FHIP2B: variants seen among roughly 807,000 people sequenced by gnomAD.
FHIP2B encodes the protein FHF complex subunit HOOK interacting protein 2B.
FHIP2B carries 72 observed loss-of-function variants against 84.0 expected under a neutral mutation model. The ratio of observed to expected loss-of-function variants is 0.86; its 90% CI spans 0.71 to 1.04. The LOEUF (loss-of-function observed/expected upper bound fraction) is 1.04, where lower values mean the gene tolerates loss of function less well. FHIP2B is among the 50% of genes least tolerant of loss of function. The pLI is 0.00. For missense variants in FHIP2B, 972 were observed against 968.9 expected (o/e 1.00, Z -0.04); for synonymous variants, 497 against 418.7 (o/e 1.19, Z -2.28).
chr8:22,101,583 T>C lies in FHIP2B; in HGVS notation c.1707+53T>C. ...CTTCCTGTCCTTCAGAACAGCTGGGTCATAAGCTCTGGGTTCCGCCTCTCT... is the reference window on the plus strand; with the variant it reads ...CTTCCTGTCCTTCAGAACAGCTGGGCCATAAGCTCTGGGTTCCGCCTCTCT... On this transcript the variant is annotated intron_variant, in intron 13 of 16. Transcript: ENST00000289921. 4 of 1,577,816 alleles carry C rather than the reference T, an allele frequency of 2.5e-6. No homozygotes were observed. The South Asian group carries it at 4.6e-5, about 18-fold the overall frequency.
In FHIP2B at chr8:22,089,889, C is replaced by G. The variant is rs1296146687; in HGVS notation, c.45+591C>G. 7 of 1,237,136 alleles carry G rather than the reference C, an allele frequency of 5.7e-6. No homozygotes were observed. The Admixed American group carries it at 1.6e-4, about 29-fold the overall frequency. The allele number at this position is 1,237,136 out of a possible 1,614,324, so 76.6% of individuals were successfully genotyped here. A position where few individuals can be genotyped will look rare whatever the true frequency, so the allele number is the denominator to read the frequency against. On this transcript the variant is annotated intron_variant, in intron 1 of 16. Coordinates refer to ENST00000289921, the MANE Select transcript of FHIP2B (RefSeq NM_022749.7). ...CGGGGCAGGCTGGTGGGCCCCCAGC[C>G]GGGGAAATCGCCTTCTATTGGGTGC...
At chr8:22,089,901 C>A in intron 1 of FHIP2B, 1 of 1,207,436 alleles carries the variant, frequency 8.3e-7, no homozygotes, top group South Asian at 1.3e-5. Context: ...GGGAAATCGC[C>A]TTCTATTGGG....
rs373303897 is a variant in FHIP2B at position 22,101,445 on chromosome 8, T to G, written c.1622T>G (p.Leu541Arg). ...CACCGGCTTCTATCTCTCAGTTTCC[T>G]GTGCCTGGTCCCCGAGGAAGCCAAG... is the stretch of plus-strand genomic sequence containing the variant. ...TAVTEIVNSF[L>R]CLVPEEAKTS... Residue 541 changes from leucine (L) to arginine (R), a missense_variant, in exon 13 of 17, where the codon CTG becomes CGG. By Grantham distance (102) the Leu-to-Arg change is moderately radical. Coordinates refer to ENST00000289921, the MANE Select transcript of FHIP2B (RefSeq NM_022749.7). 1.9e-6 allele frequency: 3 copies of G among 1,608,554 alleles called. No homozygotes were observed. The African/African-American group carries it at 4.0e-5, about 21-fold the overall frequency.
In FHIP2B at chr8:22,098,289, G is replaced by A; in HGVS notation, c.747G>A (p.Leu249=). ...CAGAGAGCAACCTGATTACCTCCCT[G>A]CTTGGGCTGTGCCAGAGCAAGGTGC... ...GTTESNLITS[L]LGLCQSKKSR... Residue 249 remains leucine, a synonymous_variant, in exon 6 of 17, where the codon CTG becomes CTA. Coordinates refer to ENST00000289921, the MANE Select transcript of FHIP2B (RefSeq NM_022749.7). 11 of 1,571,010 alleles carry A rather than the reference G, an allele frequency of 7.0e-6. No individual in the cohort carries two copies. Among genetic ancestry groups the A allele is most frequent in the Non-Finnish European group, 9.5e-6 (11 of 1,157,294 alleles).
intron 1 of FHIP2B, among the ~76,000 whole-genome samples, chr8:22,093,864 G>C (rs2170866): frequency 0.95 from 143,631 of 151,820 alleles, 68,424 homozygotes; most frequent in East Asian, 1. Flanking sequence ...ACTATAGGCA[G>C]ACACCACCAC....
In FHIP2B at chr8:22,102,875, T is replaced by C. The variant is rs1303975756; in HGVS notation, c.2176T>C (p.Phe726Leu). 1.2e-6 allele frequency: 2 copies of C among 1,613,586 alleles called. No homozygotes were observed. Among genetic ancestry groups the C allele is most frequent in the South Asian group, 1.1e-5 (1 of 91,082 alleles). The change falls in exon 17 of 17, where the codon TTT (phenylalanine) becomes CTT (leucine). Residue 726 changes from phenylalanine to leucine, a missense_variant. Transcript: ENST00000289921. The part of the protein sequence containing the change: ...KELAAIAFVK[F>L]PPHDPRQNVS... Reference sequence around the variant, plus strand: ...GCTGGCTGCCATTGCCTTCGTCAAGTTTCCCCCACATGATCCTCGCCAGAA... The same window carrying C: ...GCTGGCTGCCATTGCCTTCGTCAAGCTTCCCCCACATGATCCTCGCCAGAA...
chr8:22,094,739 G>A (rs1421381293), intron 2 of FHIP2B: 3 of 1,350,536 alleles, frequency 2.2e-6, no homozygotes, highest in Non-Finnish European at 2.8e-6. Flanking sequence ...TGACCTTTTG[G>A]AAAGAGGCTG....
chr8:22,096,844 T>G, intron 3 of FHIP2B: 1 of 219,506 alleles, frequency 4.6e-6, no homozygotes, highest in Non-Finnish European at 8.9e-6. Flanking sequence ...GCCTGCCATG[T>G]GCCAGGCTCT....
intron 10 of FHIP2B, 116 bp downstream of exon 10, chr8:22,100,009 C>A: frequency 3.8e-6 from 4 of 1,043,682 alleles, no homozygotes; most frequent in Non-Finnish European, 4.0e-6. Context: ...AGACACTGAA[C>A]TGCAAAACAC....
chr8:22,094,608 AG>A, intron 2 of FHIP2B, 90 bp downstream of exon 2: 2 of 1,583,650 alleles, frequency 1.3e-6, no homozygotes, highest in South Asian at 2.3e-5. Context: ...GTCCTGGGAA[AG>A]GTAACCTGCC....
In FHIP2B at chr8:22,094,449, A is replaced by G. The variant is rs1180970964; in HGVS notation, c.55A>G (p.Ser19Gly). Residue 19 changes from serine to glycine, a missense_variant, in exon 2 of 17, where the codon AGC becomes GGC. Physicochemically the swap from Ser to Gly is moderately conservative, Grantham distance 56. Transcript: ENST00000289921. Reference protein sequence around the residue: ...LQEAVGAREPSIDLLQAFVEH... With the variant: ...LQEAVGAREPGIDLLQAFVEH... ...TGTCTGCCCTCCGCAGCGCGAGCCC[A>G]GCATTGACCTGCTGCAGGCCTTCGT... is the stretch of plus-strand genomic sequence containing the variant. 1 of 1,608,598 alleles carries G rather than the reference A, an allele frequency of 6.2e-7. No homozygotes were observed. Among genetic ancestry groups the G allele is most frequent in the Non-Finnish European group, 8.5e-7 (1 of 1,177,850 alleles).
In FHIP2B at chr8:22,101,459, G is replaced by T; in HGVS notation, c.1636G>T (p.Glu546Ter). Residue 546 changes from glutamate (E) to a stop codon, truncating the protein, a stop_gained, in exon 13 of 17, where the codon GAG becomes TAG. Transcript: ENST00000289921. LOFTEE classifies it high-confidence loss of function. ...TCTCAGTTTCCTGTGCCTGGTCCCC[G>T]AGGAAGCCAAGACCTCTGCCTTCCT... is the stretch of plus-strand genomic sequence containing the variant. ...IVNSFLCLVP[E>*]EAKTSAFLEE... The T allele has an allele frequency of 6.2e-7, 1 of 1,611,144 alleles. No homozygotes were observed. The highest frequency in any genetic ancestry group is 2.2e-5 in the East Asian group (1 of 44,786).
intron 3 of FHIP2B, 159 bp downstream of exon 3, chr8:22,096,668 T>C: frequency 3.0e-6 from 3 of 1,000,704 alleles, no homozygotes; most frequent in South Asian, 4.1e-5. Context: ...GTGGGCAGCC[T>C]GGGGCTCCCT....
intron 2 of FHIP2B, 47 bp from the exon 3 acceptor site, chr8:22,096,290 G>A (rs1825761042): frequency 1.4e-6 from 2 of 1,460,040 alleles, no homozygotes; most frequent in Non-Finnish European, 1.8e-6. Flanking sequence ...TTCAAGCCGG[G>A]GTGCCCCTCT....
chr8:22,093,316 G>GTTT (rs10651878), intron 1 of FHIP2B, among the ~76,000 whole-genome samples: 79,222 of 151,370 alleles, frequency 0.52, 21,328 homozygotes, highest in Admixed American at 0.65. Context: ...CGAAGGAATG[G>GTTT]TGTTGTTGTT....
Position 22,096,531 on chromosome 8 carries a change from G to T in FHIP2B, c.297+22G>T, listed in dbSNP as rs371625418. ...CGAGGTGGGAGGCCCTCTGCGCGCT[G>T]GGCCAGGCCGAGGTGGGAGGCCTCT... On this transcript the variant is annotated intron_variant, in intron 3 of 16. Transcript: ENST00000289921. The T allele has an allele frequency of 4.0e-6, 6 of 1,496,052 alleles. No homozygotes were observed. The African/African-American group carries it at 4.4e-5, about 11-fold the overall frequency. 92.7% of individuals were successfully genotyped at this position (1,496,052 alleles called of 1,614,324 possible).
chr8:22,098,809 C>A, intron 7 of FHIP2B, 139 bp from the exon 8 acceptor site: 1 of 940,180 alleles, frequency 1.1e-6, no homozygotes. Flanking sequence ...CTGCCTCTGT[C>A]CATAAAACCC....
In FHIP2B at chr8:22,102,256, C is replaced by G; in HGVS notation, c.1933C>G (p.Leu645Val). The change falls in exon 15 of 17, where the codon CTG (leucine) becomes GTG (valine). Residue 645 changes from leucine (L) to valine (V), a missense_variant. Transcript: ENST00000289921. The stretch of plus-strand genomic sequence containing the variant: ...CCACCCCCATATTCATGAGTACCTG[C>G]TGGATCCGTACATCAGCCTGGCCCC... ...FPHPHIHEYLLDPYISLAPGC... is the reference protein window; with the variant it reads ...FPHPHIHEYLVDPYISLAPGC... 1 of 1,613,266 alleles carries G rather than the reference C, an allele frequency of 6.2e-7. No individual in the cohort carries two copies. Among genetic ancestry groups the G allele is most frequent in the Non-Finnish European group, 8.5e-7 (1 of 1,179,882 alleles).
chr8:22,094,722 C>A lies in FHIP2B; in HGVS notation c.124+204C>A, dbSNP rs575094833. 104 of 1,372,634 alleles carry A rather than the reference C, an allele frequency of 7.6e-5. No individual in the cohort carries two copies. In the African/African-American group the frequency reaches 1.2e-3, roughly 16 times the overall value. 85.0% of individuals were successfully genotyped at this position (1,372,634 alleles called of 1,614,324 possible). On this transcript the variant is annotated intron_variant, in intron 2 of 16. Coordinates refer to ENST00000289921, the MANE Select transcript of FHIP2B (RefSeq NM_022749.7). ...CACTCCTGATGATTTAGCTGCCGGT[C>A]CCACTCTGACCTTTTGGAAAGAGGC...
Sources: allele counts gnomAD v4.1 joint callset (sites outside exome capture counted in the v4.1 genomes callset), GRCh38; gene constraint gnomAD v4.1.1; transcripts MANE v1.5; gene names NCBI Gene and HGNC (gene_info 2026-07-23, HGNC 2026-07-21).